ANKRD31: variants seen among roughly 807,000 people sequenced by gnomAD.
ANKRD31 encodes ankyrin repeat domain-containing protein 31.
In ANKRD31, 147 loss-of-function variants were observed where a neutral mutation model predicts 186.0. That is an observed-to-expected ratio of 0.79 (90% CI 0.69 to 0.91). The LOEUF is 0.91. Among genes scored for constraint, ANKRD31 ranks in the 40% least tolerant of loss-of-function variants. The pLI, the probability that ANKRD31 is intolerant of heterozygous loss-of-function variation, is 0.00. For synonymous variants in ANKRD31, 673 were observed against 736.4 expected, an observed-to-expected ratio of 0.91 and a Z score of 1.39; for missense variants, 1,986 against 2,148.8, an observed-to-expected ratio of 0.92 and a Z score of 1.50.
intron 10 of ANKRD31, among the ~76,000 whole-genome samples, chr5:75,176,117 C>T (rs952108072): frequency 1.3e-5 from 2 of 152,174 alleles, no homozygotes; most frequent in African/African-American, 2.4e-5. Flanking sequence ...GTCCTATGCC[C>T]ACGGAGCTTC....
In ANKRD31 at chr5:75,188,571, C is replaced by T; in HGVS notation, c.1486G>A (p.Ala496Thr). Reference protein sequence around the residue: ...NIFGENLVYKAALHDDADLVH... With the variant: ...NIFGENLVYKTALHDDADLVH... ...AGATCAGCATCATCGTGTAGAGCAG[C>T]CTTATATACTAAGTTCTCTCCAAAA... The change falls in exon 10 of 26, where the codon GCT becomes ACT. Residue 496 changes from alanine (A) to threonine (T), a missense_variant. Coordinates refer to ENST00000506364, the MANE Select transcript of ANKRD31 (RefSeq NM_001372053.1). The T allele has an allele frequency of 6.5e-7, 1 of 1,535,946 alleles. No individual in the cohort carries two copies. The highest frequency in any genetic ancestry group is 8.7e-7 in the Non-Finnish European group (1 of 1,146,216).
chr5:75,154,149 C>T (rs988278415), intron 12 of ANKRD31, 52 bp downstream of exon 12: 38 of 1,321,898 alleles, frequency 2.9e-5, no homozygotes, highest in Non-Finnish European at 3.4e-5. Flanking sequence ...AATTAAATTT[C>T]TGTAACTTCA....
intron 3 of ANKRD31, 88 bp from the exon 4 acceptor site, chr5:75,210,953 G>A (rs1051578761): frequency 3.3e-6 from 3 of 906,680 alleles, no homozygotes; most frequent in Non-Finnish European, 4.8e-6. Flanking sequence ...AGTAATTTTT[G>A]TGTTATTCTT....
chr5:75,136,339 A>G (rs1173967116), intron 17 of ANKRD31, among the ~76,000 whole-genome samples: 3 of 152,234 alleles, frequency 2.0e-5, no homozygotes, highest in Non-Finnish European at 4.4e-5. Flanking sequence ...CAACCCCATG[A>G]AAAAGTGGGT....
intron 9 of ANKRD31, among the ~76,000 whole-genome samples, chr5:75,191,622 C>A (rs1159284002): frequency 6.6e-6 from 1 of 152,008 alleles, no homozygotes; most frequent in Non-Finnish European, 1.5e-5. Flanking sequence ...AGATCTCATG[C>A]ATTTCTAGAA....
In ANKRD31 at chr5:75,169,012, G is replaced by A; in HGVS notation, c.1674C>T (p.Pro558=). 6.5e-7 allele frequency: 1 copy of A among 1,536,186 alleles called. No homozygotes were observed. The highest frequency in any genetic ancestry group is 1.2e-5 in the South Asian group (1 of 83,980). Residue 558 remains proline (P), a synonymous_variant, in exon 11 of 26, where the codon CCC becomes CCT. Transcript: ENST00000506364. ...VNIKGLYQIT[P]LHDAVMNGHY... Reference sequence around the variant, plus strand: ...GTCCATTCATCACTGCATCATGTAGGGGAGTAATCTGGTATAATCCTTTGA... The same window carrying A: ...GTCCATTCATCACTGCATCATGTAGAGGAGTAATCTGGTATAATCCTTTGA...
chr5:75,174,429 A>G (rs966757898), intron 10 of ANKRD31, among the ~76,000 whole-genome samples: 11 of 151,366 alleles, frequency 7.3e-5, no homozygotes, highest in African/African-American at 2.2e-4. Context: ...CTACCATCAG[A>G]GTGAACAGTG....
intron 11 of ANKRD31, among the ~76,000 whole-genome samples, chr5:75,154,893 C>A (rs974874448): frequency 6.6e-6 from 1 of 152,058 alleles, no homozygotes; most frequent in Non-Finnish European, 1.5e-5. Flanking sequence ...ACTTCTCAAA[C>A]AACCTCCTCT....
At chr5:75,187,329 A>C (rs1478558477) in intron 10 of ANKRD31, among the ~76,000 whole-genome samples, 1 of 152,102 alleles carries the variant, frequency 6.6e-6, no homozygotes, top group Non-Finnish European at 1.5e-5. Context: ...TTCAAAATGC[A>C]GGAAAATATG....
At chr5:75,106,207 AG>A (rs1483145047) in intron 21 of ANKRD31, among the ~76,000 whole-genome samples, 2 of 152,150 alleles carry the variant, frequency 1.3e-5, no homozygotes, top group Non-Finnish European at 2.9e-5. Context: ...AATGAGAGCA[AG>A]AGAGCAATAA....
chr5:75,210,809 CA>C lies in ANKRD31; in HGVS notation c.326+18del. 1 of 1,477,548 alleles carries C rather than the reference CA, an allele frequency of 6.8e-7. No homozygotes were observed. The allele number at this position is 1,477,548 out of a possible 1,614,324, so 91.5% of individuals were successfully genotyped here. A position where few individuals can be genotyped will look rare whatever the true frequency, so the allele number is the denominator to read the frequency against. On this transcript the variant is annotated intron_variant, in intron 4 of 25. Coordinates refer to ENST00000506364, the MANE Select transcript of ANKRD31 (RefSeq NM_001372053.1). ...AAAAATACCTACAACATAATGAAGC[CA>C]AAAATTAGTATACTTACTGTAACAG... is the stretch of plus-strand genomic sequence containing the variant.
At chr5:75,175,873 C>T (rs780196313) in intron 10 of ANKRD31, among the ~76,000 whole-genome samples, 1 of 152,012 alleles carries the variant, frequency 6.6e-6, no homozygotes, top group Non-Finnish European at 1.5e-5. Context: ...CTGTGGAGTG[C>T]CGGATAGTGG....
intron 11 of ANKRD31, among the ~76,000 whole-genome samples, chr5:75,155,090 A>T (rs867211143): frequency 1.4e-4 from 22 of 152,150 alleles, no homozygotes; most frequent in Admixed American, 2.0e-4. Flanking sequence ...TTCTTAAATA[A>T]TTTATTATTT....
At chr5:75,114,504 A>G (rs1748040440) in intron 19 of ANKRD31, among the ~76,000 whole-genome samples, 1 of 152,102 alleles carries the variant, frequency 6.6e-6, no homozygotes, top group Admixed American at 6.6e-5. Context: ...GTATCCTGAG[A>G]CTTTGCTGAA....
At chr5:75,129,450 G>T (rs889702456) in intron 17 of ANKRD31, among the ~76,000 whole-genome samples, 3 of 152,156 alleles carry the variant, frequency 2.0e-5, no homozygotes, top group African/African-American at 7.2e-5. Context: ...TCTTTTAGCA[G>T]ATCATAAATT....
chr5:75,228,103 T>G (rs539047919), intron 2 of ANKRD31, among the ~76,000 whole-genome samples: 1 of 152,356 alleles, frequency 6.6e-6, no homozygotes, highest in African/African-American at 2.4e-5. Context: ...ACAAACATAT[T>G]GCATTCTTTT....
At chr5:75,189,530 AC>A (rs1430353902) in intron 9 of ANKRD31, among the ~76,000 whole-genome samples, 3 of 152,126 alleles carry the variant, frequency 2.0e-5, no homozygotes, top group Admixed American at 6.6e-5. Flanking sequence ...TGTATAACAA[AC>A]CCAACTGCTG....
At chr5:75,168,096 C>T (rs1753050567) in intron 11 of ANKRD31, among the ~76,000 whole-genome samples, 1 of 151,640 alleles carries the variant, frequency 6.6e-6, no homozygotes, top group Non-Finnish European at 1.5e-5. Context: ...AGCAAACAAA[C>T]AATGAAAAAC....
chr5:75,204,524 T>A (rs147372975), intron 5 of ANKRD31, among the ~76,000 whole-genome samples: 1 of 152,244 alleles, frequency 6.6e-6, no homozygotes, highest in Non-Finnish European at 1.5e-5. Context: ...TGTGCTGATA[T>A]GTTATGTAGT....
Sources: allele counts gnomAD v4.1 joint callset (sites outside exome capture counted in the v4.1 genomes callset), GRCh38; gene constraint gnomAD v4.1.1; transcripts MANE v1.5; gene names NCBI Gene and HGNC (gene_info 2026-07-23, HGNC 2026-07-21).